The following TRPC7 variants were observed in gnomAD, a reference collection of about 807,000 sequenced individuals.
TRPC7 encodes the protein short transient receptor potential channel 7.
A neutral mutation model predicts 90.1 loss-of-function variants in TRPC7; 42 were observed. The observed-to-expected ratio is 0.47, with a 90% CI of 0.36 to 0.60. TRPC7 has a LOEUF of 0.60. Ranked by LOEUF, TRPC7 falls within the 20% of genes least tolerant of loss-of-function variation. The probability of loss-of-function intolerance (pLI) is 0.00; values close to 1 mark genes in which losing one functional copy is unlikely to be tolerated. For synonymous variants in TRPC7, 451 were observed against 436.3 expected, an observed-to-expected ratio of 1.03 and a Z score of -0.42; for missense variants, 955 against 1,112.3, an observed-to-expected ratio of 0.86 and a Z score of 2.01.
chr5:136,356,500 C>G (rs756550438), intron 2 of TRPC7, 108 bp downstream of exon 2: 90 of 1,207,988 alleles, frequency 7.5e-5, no homozygotes, highest in African/African-American at 1.5e-5. Flanking sequence ...CAGTAAGATC[C>G]TGAAGCTTCC....
At chr5:136,236,104 A>G (rs1001828867) in intron 7 of TRPC7, among the ~76,000 whole-genome samples, 1 of 152,246 alleles carries the variant, frequency 6.6e-6, no homozygotes, top group South Asian at 2.1e-4. Flanking sequence ...TTTGATTCAT[A>G]TATTTATTGA....
intron 3 of TRPC7, among the ~76,000 whole-genome samples, chr5:136,297,647 TTAA>T (rs1758228638): frequency 6.6e-6 from 1 of 152,178 alleles, no homozygotes; most frequent in South Asian, 2.1e-4. Flanking sequence ...GACCAAATTA[TTAA>T]TAATTTTATT....
chr5:136,251,584 G>T, intron 6 of TRPC7, 65 bp downstream of exon 6: 2 of 1,301,702 alleles, frequency 1.5e-6, no homozygotes, highest in South Asian at 2.7e-5. Context: ...ACCAGCCACA[G>T]TGAAGCACCA....
chr5:136,223,845 T>G (rs1415585552), intron 10 of TRPC7, among the ~76,000 whole-genome samples: 1 of 152,160 alleles, frequency 6.6e-6, no homozygotes, highest in Non-Finnish European at 1.5e-5. Context: ...GAAATAAAAA[T>G]ACTTTCACTG....
At chr5:136,270,056 C>A (rs574568908) in intron 4 of TRPC7, among the ~76,000 whole-genome samples, 1 of 152,268 alleles carries the variant, frequency 6.6e-6, no homozygotes, top group South Asian at 2.1e-4. Context: ...TAAAAAAGTC[C>A]TACCAACTTT....
intron 2 of TRPC7, among the ~76,000 whole-genome samples, chr5:136,317,403 G>A (rs1184968407): frequency 1.3e-5 from 2 of 152,234 alleles, no homozygotes; most frequent in Admixed American, 6.5e-5. Context: ...AGTAGTGTGA[G>A]GGAAGAGGAG....
intron 2 of TRPC7, among the ~76,000 whole-genome samples, chr5:136,332,397 G>A (rs983077629): frequency 6.6e-6 from 1 of 152,122 alleles, no homozygotes; most frequent in Non-Finnish European, 1.5e-5. Flanking sequence ...AGATGGGGAG[G>A]CACTGACTGG....
At chr5:136,225,797 C>A (rs1226151420) in intron 9 of TRPC7, among the ~76,000 whole-genome samples, 1 of 152,086 alleles carries the variant, frequency 6.6e-6, no homozygotes, top group Non-Finnish European at 1.5e-5. Flanking sequence ...CTTACTATGT[C>A]CCCAGCAGGG....
At chr5:136,226,526 TTA>T in intron 8 of TRPC7, 2 of 445,462 alleles carry the variant, frequency 4.5e-6, no homozygotes, top group Non-Finnish European at 7.9e-6. Context: ...CTGGGTATAT[TTA>T]CCAACATTCT....
At chr5:136,321,681 G>T (rs554857786) in intron 2 of TRPC7, among the ~76,000 whole-genome samples, 1 of 152,264 alleles carries the variant, frequency 6.6e-6, no homozygotes, top group Non-Finnish European at 1.5e-5. Context: ...CGGAGTGGGA[G>T]TAAGACTGGC....
intron 4 of TRPC7, 78 bp from the exon 5 acceptor site, chr5:136,266,514 C>A (rs1580880041): frequency 7.7e-7 from 1 of 1,298,428 alleles, no homozygotes; most frequent in East Asian, 2.5e-5. Flanking sequence ...ATCGCTTTCA[C>A]CAAAGTTTAA....
intron 2 of TRPC7, among the ~76,000 whole-genome samples, chr5:136,338,590 G>C (rs1759741817): frequency 6.6e-6 from 1 of 152,214 alleles, no homozygotes; most frequent in South Asian, 2.1e-4. Flanking sequence ...TACTATGTTT[G>C]AGCCTGTGAC....
In TRPC7 at chr5:136,247,568, T is replaced by C; in HGVS notation, c.1747A>G (p.Met583Val). The change falls in exon 7 of 12, where the codon ATG becomes GTG. Residue 583 changes from methionine to valine, a missense_variant. Physicochemically the swap from Met to Val is conservative, Grantham distance 21. Around this residue, in one of 4 missense-constraint regions of TRPC7, gnomAD observed 296 missense variants for 422.7 expected, o/e 0.70. Coordinates refer to ENST00000513104, the MANE Select transcript of TRPC7 (RefSeq NM_020389.3). The surrounding 1 kb of genome is among the most constrained non-coding windows in gnomAD (Gnocchi z 4.2). Reference protein sequence around the residue: ...GRTVKDIFKFMVIFIMVFVAF... With the variant: ...GRTVKDIFKFVVIFIMVFVAF... ...ACAAATACCATGATGAAAATGACCA[T>C]GAACTTGAAGATATCTTTCACAGTT... 3 of 1,613,988 alleles carry C rather than the reference T, an allele frequency of 1.9e-6. No individual in the cohort carries two copies. Among genetic ancestry groups the C allele is most frequent in the Non-Finnish European group, 2.5e-6 (3 of 1,179,894 alleles).
intron 7 of TRPC7, among the ~76,000 whole-genome samples, chr5:136,242,416 C>T (rs1756201644): frequency 6.6e-6 from 1 of 152,132 alleles, no homozygotes; most frequent in Non-Finnish European, 1.5e-5. Context: ...ACAGAAGTGG[C>T]TATGAAAAAC....
At chr5:136,326,237 C>T (rs1277746420) in intron 2 of TRPC7, among the ~76,000 whole-genome samples, 3 of 152,192 alleles carry the variant, frequency 2.0e-5, no homozygotes, top group African/African-American at 4.8e-5. Flanking sequence ...CTACTTTGTG[C>T]ATTTTGTTCA....
chr5:136,272,838 T>C lies in TRPC7; in HGVS notation c.1128+1835A>G, dbSNP rs1757249307. On this transcript the variant is annotated intron_variant, in intron 4 of 11. Coordinates refer to ENST00000513104, the MANE Select transcript of TRPC7 (RefSeq NM_020389.3). ...TCTGACCCCTACATCCCAGGTGCTA[T>C]TACCTTCCTGGATTTACTAGGCCCA... 2.0e-5 allele frequency among the ~76,000 whole-genome samples: 3 copies of C among 152,130 alleles called. No homozygotes were observed. The South Asian group carries it at 6.2e-4, about 32-fold the overall frequency.
Position 136,342,296 on chromosome 5 carries a change from G to A in TRPC7, c.780+14312C>T, listed in dbSNP as rs577555067. 1.1e-4 allele frequency among the ~76,000 whole-genome samples: 16 copies of A among 152,344 alleles called. No homozygotes were observed. The South Asian group carries it at 3.1e-3, about 30-fold the overall frequency. On this transcript the variant is annotated intron_variant, in intron 2 of 11. Transcript: ENST00000513104. ...CTCTGTTCACCAAGCCCATCCTGGA[G>A]AGCTGGCCAAGAATATCAAGAATCC...
chr5:136,254,328 G>A (rs2149807075), intron 5 of TRPC7, among the ~76,000 whole-genome samples: 1 of 152,284 alleles, frequency 6.6e-6, no homozygotes. Context: ...ATCAGTGCCT[G>A]GTTTCAAAGC....
At chr5:136,266,475 C>T (rs892047293) in intron 4 of TRPC7, 39 bp from the exon 5 acceptor site, 3 of 1,548,478 alleles carry the variant, frequency 1.9e-6, no homozygotes, top group African/African-American at 2.7e-5. Flanking sequence ...TAAACTGTCT[C>T]TAGGTGGATG....
Sources: gnomAD v4.1 joint callset for allele counts (sites outside exome capture counted in the v4.1 genomes callset) on GRCh38, gnomAD v4.1.1 for gene constraint, gnomAD v4.1.1 regional missense constraint, Gnocchi (gnomAD v3.1) non-coding constraint, MANE v1.5 for transcripts, NCBI Gene and HGNC (gene_info 2026-07-23, HGNC 2026-07-21) for gene names.